Variants in FNTA observed in about 807,000 individuals in gnomAD.
The protein encoded by FNTA is protein farnesyltransferase/geranylgeranyltransferase type-1 subunit alpha.
A neutral mutation model predicts 55.2 loss-of-function variants in FNTA; 27 were observed. The observed-to-expected ratio is 0.49, with a 90% CI of 0.36 to 0.67. FNTA has a LOEUF of 0.67. FNTA is among the 30% of genes least tolerant of loss of function. The probability of loss-of-function intolerance (pLI) is 0.00; values close to 1 mark genes in which losing one functional copy is unlikely to be tolerated. For missense variants in FNTA, 422 were observed against 464.7 expected, an observed-to-expected ratio of 0.91 and a Z score of 0.85; for synonymous variants, 176 against 170.7, an observed-to-expected ratio of 1.03 and a Z score of -0.24.
intron 1 of FNTA, among the ~76,000 whole-genome samples, chr8:43,058,543 G>A (rs977341484): frequency 6.6e-6 from 1 of 152,068 alleles, no homozygotes; most frequent in South Asian, 2.1e-4. Flanking sequence ...AGGCCGAGGC[G>A]GGCGGATCAC....
At chr8:43,084,978 A>G in intron 8 of FNTA, 97 bp downstream of exon 8, 1 of 1,318,750 alleles carries the variant, frequency 7.6e-7, no homozygotes, top group Non-Finnish European at 1.1e-6. Flanking sequence ...ATCGTTCCTC[A>G]GAATTCAGTG....
chr8:43,067,774 C>T (rs904590260), intron 3 of FNTA, among the ~76,000 whole-genome samples: 2 of 151,736 alleles, frequency 1.3e-5, no homozygotes, highest in Non-Finnish European at 2.9e-5. Context: ...GGCTGGAGTA[C>T]GGTGACGTGA....
rs761243673 is a variant in FNTA, at chr8:43,059,097, G to C, written c.206G>C (p.Arg69Thr). ...DSPSYVLYRDRAEWADIDPVP... is the reference protein window; with the variant it reads ...DSPSYVLYRDTAEWADIDPVP... ...TGGGGAATGTCTGTTTTCAGGGACA[G>C]AGCAGAATGGGCTGATATAGATCCG... Residue 69 changes from arginine (R) to threonine (T), a missense_variant, in exon 2 of 9, where the codon AGA becomes ACA. By Grantham distance (71) the Arg-to-Thr change is moderately conservative. Coordinates refer to ENST00000302279, the MANE Select transcript of FNTA (RefSeq NM_002027.3). 2 of 1,613,230 alleles carry C rather than the reference G, an allele frequency of 1.2e-6. No individual in the cohort carries two copies. The highest frequency in any genetic ancestry group is 3.3e-5 in the Admixed American group (2 of 59,924).
chr8:43,080,012 C>T (rs910968771), intron 6 of FNTA: 4 of 152,274 alleles, frequency 2.6e-5, no homozygotes, highest in Middle Eastern at 3.4e-3. Flanking sequence ...AATACTTGAT[C>T]AGATGAGGAG....
intron 1 of FNTA, among the ~76,000 whole-genome samples, chr8:43,057,872 C>G (rs1810446312): frequency 6.6e-6 from 1 of 150,686 alleles, no homozygotes; most frequent in Admixed American, 6.6e-5. Context: ...GCAGGAGAAT[C>G]GCTTTAACCC....
At chr8:43,084,971 G>GT in intron 8 of FNTA, 90 bp downstream of exon 8, 1 of 1,362,222 alleles carries the variant, frequency 7.3e-7, no homozygotes. Context: ...TTTCAACATC[G>GT]TTCCTCAGAA....
chr8:43,064,713 G>T (rs2130547965), intron 3 of FNTA, among the ~76,000 whole-genome samples: 1 of 152,072 alleles, frequency 6.6e-6, no homozygotes, highest in African/African-American at 2.4e-5. Flanking sequence ...CCCACTGCCA[G>T]TCCCACTCCG....
chr8:43,057,681 G>T (rs1810441742), intron 1 of FNTA, among the ~76,000 whole-genome samples: 1 of 152,176 alleles, frequency 6.6e-6, no homozygotes, highest in South Asian at 2.1e-4. Flanking sequence ...AGGAAGGGCC[G>T]GCGCGGTGGC....
In FNTA at chr8:43,056,470, G is replaced by A. The variant is rs1465375952; in HGVS notation, c.124G>A (p.Glu42Lys). ...QQQHKEEMAA[E>K]AGEAVASPMD... ...GCAGCACAAGGAAGAGATGGCGGCC[G>A]AGGCTGGGGAAGCCGTGGCGTCCCC... Residue 42 changes from glutamate (E) to lysine (K), a missense_variant, in exon 1 of 9, where the codon GAG becomes AAG. Physicochemically the swap from Glu to Lys is moderately conservative, Grantham distance 56. Coordinates refer to ENST00000302279, the MANE Select transcript of FNTA (RefSeq NM_002027.3). 6.4e-7 allele frequency: 1 copy of A among 1,569,592 alleles called. No homozygotes were observed. Among genetic ancestry groups the A allele is most frequent in the Non-Finnish European group, 8.6e-7 (1 of 1,161,568 alleles).
rs535377589 is a variant in FNTA, at chr8:43,067,805, C to T, written c.402-1750C>T. 5.9e-5 allele frequency among the ~76,000 whole-genome samples: 9 copies of T among 152,138 alleles called. No individual in the cohort carries two copies. In the South Asian group the frequency reaches 8.3e-4, roughly 14 times the overall value. Reference sequence around the variant, plus strand: ...CGTGATCTTGGCTCACTGCAACCTCCGTCACCGGGGTTCAAGTGATTCTCG... The same window carrying T: ...CGTGATCTTGGCTCACTGCAACCTCTGTCACCGGGGTTCAAGTGATTCTCG... On this transcript the variant is annotated intron_variant, in intron 3 of 8. Transcript: ENST00000302279.
chr8:43,083,822 C>T (rs1371423956), intron 7 of FNTA, among the ~76,000 whole-genome samples: 1 of 152,160 alleles, frequency 6.6e-6, no homozygotes, highest in African/African-American at 2.4e-5. Flanking sequence ...CCTGCAATCC[C>T]AGCACTTTGG....
intron 3 of FNTA, among the ~76,000 whole-genome samples, chr8:43,068,583 A>G (rs1810714148): frequency 6.7e-6 from 1 of 148,310 alleles, no homozygotes; most frequent in African/African-American, 2.5e-5. Context: ...AGGGAAAGAG[A>G]TGTCTTTGAT....
chr8:43,072,390 C>G, intron 5 of FNTA, 83 bp downstream of exon 5: 1 of 1,001,074 alleles, frequency 1.0e-6, no homozygotes, highest in Non-Finnish European at 1.4e-6. Context: ...TGTTTCTAAA[C>G]CAAAACACAC....
rs552459166 is a variant in FNTA, at chr8:43,068,131, C to T, written c.402-1424C>T. Among the ~76,000 whole-genome samples the T allele has an allele frequency of 2.2e-4, 34 of 152,214 alleles. No homozygotes were observed. In the East Asian group the frequency reaches 5.6e-3, roughly 25 times the overall value. ...TAGCCAGGTCTCAAACTCCTGACCT[C>T]GTGATCCGCCCACCTCGGCCTCCCA... On this transcript the variant is annotated intron_variant, in intron 3 of 8. Coordinates refer to ENST00000302279, the MANE Select transcript of FNTA (RefSeq NM_002027.3).
intron 3 of FNTA, among the ~76,000 whole-genome samples, chr8:43,069,132 G>A (rs1242462089): frequency 6.6e-6 from 1 of 151,042 alleles, no homozygotes; most frequent in African/African-American, 2.4e-5. Flanking sequence ...TTTGGGTGGG[G>A]GTGGATGGAG....
chr8:43,058,596 C>T (rs575774318), intron 1 of FNTA, among the ~76,000 whole-genome samples: 3 of 152,108 alleles, frequency 2.0e-5, no homozygotes, highest in Non-Finnish European at 2.9e-5. Flanking sequence ...ATGGTGAAAC[C>T]CCATCTCTAC....
chr8:43,068,627 T>C (rs930819637), intron 3 of FNTA, among the ~76,000 whole-genome samples: 1 of 151,144 alleles, frequency 6.6e-6, no homozygotes, highest in Non-Finnish European at 1.5e-5. Flanking sequence ...ACCAGAGTAG[T>C]ACCTGAAAAT....
At chr8:43,070,868 T>C (rs1810773085) in intron 4 of FNTA, among the ~76,000 whole-genome samples, 1 of 152,260 alleles carries the variant, frequency 6.6e-6, no homozygotes, top group African/African-American at 2.4e-5. Flanking sequence ...TTTTTCTTCC[T>C]CAGTTTGATA....
chr8:43,067,272 A>T (rs563173000), intron 3 of FNTA, among the ~76,000 whole-genome samples: 6 of 152,282 alleles, frequency 3.9e-5, no homozygotes, highest in Admixed American at 1.3e-4. Context: ...GAAATACGTC[A>T]TACCTCTGAT....
Sources: gnomAD v4.1 joint callset for allele counts (sites outside exome capture counted in the v4.1 genomes callset) on GRCh38, gnomAD v4.1.1 for gene constraint, MANE v1.5 for transcripts, NCBI Gene and HGNC (gene_info 2026-07-23, HGNC 2026-07-21) for gene names.